Variants in FLT3 observed in about 807,000 individuals in gnomAD.
The protein encoded by FLT3 is fms related receptor tyrosine kinase 3, also known as receptor-type tyrosine-protein kinase FLT3.
In FLT3, 46 loss-of-function variants were observed where a neutral mutation model predicts 126.6. The ratio of observed to expected loss-of-function variants is 0.36; its 90% CI spans 0.29 to 0.46. The LOEUF (loss-of-function observed/expected upper bound fraction) is 0.46. FLT3 is among the 20% of genes least tolerant of loss of function. The probability of loss-of-function intolerance (pLI) is 1.00; values close to 1 mark genes in which losing one functional copy is unlikely to be tolerated. For missense variants in FLT3, 1,069 were observed against 1,190.3 expected, an observed-to-expected ratio of 0.90 and a Z score of 1.50; for synonymous variants, 404 against 434.4, an observed-to-expected ratio of 0.93 and a Z score of 0.87.
chr13:28,023,274 A>G (rs1005815842), intron 19 of FLT3, 76 bp downstream of exon 19: 6 of 1,470,780 alleles, frequency 4.1e-6, no homozygotes, highest in Non-Finnish European at 5.6e-6. Flanking sequence ...ACAAGTTAAA[A>G]TAAACAAGAA....
chr13:28,025,977 C>G (rs943944810), intron 17 of FLT3, among the ~76,000 whole-genome samples: 3 of 152,076 alleles, frequency 2.0e-5, no homozygotes, highest in African/African-American at 2.4e-5. Flanking sequence ...TAAAAAGCCC[C>G]TGGTAAAGAA....
rs1380387960 is a variant in FLT3 at position 28,004,090 on chromosome 13, C to T, written c.2944G>A (p.Gly982Arg). 6 of 1,613,904 alleles carry T rather than the reference C, an allele frequency of 3.7e-6. No individual in the cohort carries two copies. The highest frequency in any genetic ancestry group is 5.1e-6 in the Non-Finnish European group (6 of 1,180,018). Residue 982 changes from glycine (G) to arginine (R), a missense_variant, in exon 24 of 24, where the codon GGG (glycine) becomes AGG (arginine). Physicochemically the swap from Gly to Arg is moderately radical, Grantham distance 125. Transcript: ENST00000241453. Reference protein sequence around the residue: ...RRPFSREMDLGLLSPQAQVED... With the variant: ...RRPFSREMDLRLLSPQAQVED... Reference sequence around the variant, plus strand: ...ACCTGAGCCTGCGGAGAGAGTAGCCCCAAATCCATCTCTCTGCTGAAAGGT... The same window carrying T: ...ACCTGAGCCTGCGGAGAGAGTAGCCTCAAATCCATCTCTCTGCTGAAAGGT...
At chr13:28,053,256 A>G (rs1020502432) in intron 4 of FLT3, among the ~76,000 whole-genome samples, 1 of 151,776 alleles carries the variant, frequency 6.6e-6, no homozygotes. Flanking sequence ...TGACTCTTCT[A>G]GAGACTGGAG....
chr13:28,034,961 G>C (rs989505676), intron 12 of FLT3, among the ~76,000 whole-genome samples: 2 of 149,870 alleles, frequency 1.3e-5, no homozygotes, highest in Non-Finnish European at 3.0e-5. Context: ...AAAAATGCAT[G>C]GATTTAAACC....
intron 19 of FLT3, 91 bp downstream of exon 19, chr13:28,023,259 G>C: frequency 7.4e-7 from 1 of 1,346,904 alleles, no homozygotes. Flanking sequence ...CAGACTTTAA[G>C]GGATACAAGT....
chr13:28,068,674 T>C (rs1224636464), intron 2 of FLT3, among the ~76,000 whole-genome samples: 1 of 152,172 alleles, frequency 6.6e-6, no homozygotes, highest in East Asian at 1.9e-4. Flanking sequence ...CAGATGATCC[T>C]CCGGCCTCAG....
In FLT3 at chr13:28,018,451, G is replaced by T. The variant is rs1872079520; in HGVS notation, c.2541+16C>A. ...AAAATAGCCGTATAAAAATAAGTAG[G>T]AAATAGCAGCCTCACATTGCCCCTG... On this transcript the variant is annotated intron_variant, in intron 20 of 23. Transcript: ENST00000241453. 2 of 1,613,394 alleles carry T rather than the reference G, an allele frequency of 1.2e-6. No homozygotes were observed. The highest frequency in any genetic ancestry group is 1.1e-5 in the South Asian group (1 of 91,004).
intron 2 of FLT3, among the ~76,000 whole-genome samples, chr13:28,064,985 AC>A (rs1284923046): frequency 6.6e-6 from 1 of 152,198 alleles, no homozygotes; most frequent in Non-Finnish European, 1.5e-5. Flanking sequence ...ACCAGGGGGT[AC>A]TATGTAGCTA....
intron 20 of FLT3, among the ~76,000 whole-genome samples, chr13:28,018,219 C>T (rs548063863): frequency 2.6e-4 from 39 of 152,262 alleles, no homozygotes; most frequent in African/African-American, 8.9e-4. Context: ...TCAAAGGCCC[C>T]TAACTGATCT....
At chr13:28,082,547 G>A (rs1878398263) in intron 1 of FLT3, among the ~76,000 whole-genome samples, 1 of 151,840 alleles carries the variant, frequency 6.6e-6, no homozygotes, top group Non-Finnish European at 1.5e-5. Flanking sequence ...CTAGGATGGA[G>A]TCCAGTGGTG....
rs145741919 is a variant in FLT3 at position 28,086,082 on chromosome 13, G to GAA, written c.43+14384_43+14385dup. The stretch of plus-strand genomic sequence containing the variant: ...GATATTTAGATCATTTTAACTTACA[G>GAA]AAAGTATTGACATGATCAGATTTAA... On this transcript the variant is annotated intron_variant, in intron 1 of 23. Transcript: ENST00000241453. Among the ~76,000 whole-genome samples, 627 of 152,236 alleles carry GAA rather than the reference G, an allele frequency of 4.1e-3. 3 individuals are homozygous for GAA. Among genetic ancestry groups the GAA allele is most frequent in the Non-Finnish European group, 6.8e-3 (464 of 68,014 alleles).
chr13:28,100,346 G>A lies in FLT3; in HGVS notation c.43+122C>T. The A allele has an allele frequency of 1.6e-6, 1 of 642,842 alleles. No individual in the cohort carries two copies. Among genetic ancestry groups the A allele is most frequent in the South Asian group, 7.7e-5 (1 of 13,038 alleles). 39.8% of individuals were successfully genotyped at this position (642,842 alleles called of 1,614,324 possible). On this transcript the variant is annotated intron_variant, in intron 1 of 23. Coordinates refer to ENST00000241453, the MANE Select transcript of FLT3 (RefSeq NM_004119.3). The surrounding 1 kb of genome is among the most constrained non-coding windows in gnomAD (Gnocchi z 4.8). ...GAGGGGAGGGGCGCGGGAGGCAATG[G>A]AAGGAGCGAGCGCGGGGAGGAGCGA...
chr13:28,021,263 A>C (rs1872360818), intron 19 of FLT3, among the ~76,000 whole-genome samples: 1 of 152,082 alleles, frequency 6.6e-6, no homozygotes, highest in Non-Finnish European at 1.5e-5. Flanking sequence ...GGTGGTGCAC[A>C]CCTGTAACCC....
intron 1 of FLT3, among the ~76,000 whole-genome samples, chr13:28,097,086 C>T (rs1879503861): frequency 6.6e-6 from 1 of 151,950 alleles, no homozygotes; most frequent in South Asian, 2.1e-4. Context: ...TGTGGTGGCA[C>T]GTGCCTGTGG....
At chr13:28,087,166 C>G (rs550345466) in intron 1 of FLT3, among the ~76,000 whole-genome samples, 2 of 152,278 alleles carry the variant, frequency 1.3e-5, no homozygotes. Flanking sequence ...AACTCCTGGG[C>G]TCTAGCAATC....
chr13:28,055,983 T>C (rs1203853838), intron 4 of FLT3, among the ~76,000 whole-genome samples: 1 of 152,130 alleles, frequency 6.6e-6, no homozygotes, highest in Non-Finnish European at 1.5e-5. Flanking sequence ...GTCCTATCAT[T>C]TTCAGAGTAA....
intron 2 of FLT3, among the ~76,000 whole-genome samples, chr13:28,063,738 GAAA>G (rs10719225): frequency 6.8e-6 from 1 of 147,690 alleles, no homozygotes. Flanking sequence ...TATGAGACTA[GAAA>G]AAAAAAAAAG....
chr13:28,052,070 A>G (rs1296804785), intron 5 of FLT3, among the ~76,000 whole-genome samples: 1 of 151,452 alleles, frequency 6.6e-6, no homozygotes, highest in Admixed American at 6.6e-5. Flanking sequence ...ATTCTGTATT[A>G]CTTATTTATT....
At chr13:28,058,412 T>A (rs1334296632) in intron 3 of FLT3, among the ~76,000 whole-genome samples, 1 of 151,912 alleles carries the variant, frequency 6.6e-6, no homozygotes, top group African/African-American at 2.4e-5. Flanking sequence ...CTCAGGAGGC[T>A]GAGGCAGGAG....
Sources: allele counts gnomAD v4.1 joint callset (sites outside exome capture counted in the v4.1 genomes callset), GRCh38; gene constraint gnomAD v4.1.1; non-coding constraint Gnocchi (gnomAD v3.1); transcripts MANE v1.5; gene names NCBI Gene and HGNC (gene_info 2026-07-23, HGNC 2026-07-21).